The following XKR6 variants were observed in gnomAD, a reference collection of about 807,000 sequenced individuals.
XKR6 encodes the protein XK related 6.
In XKR6, 22 loss-of-function variants were observed where a neutral mutation model predicts 56.7. That is an observed-to-expected ratio of 0.39 (90% CI 0.28 to 0.55). The LOEUF is 0.55. Ranked by LOEUF, XKR6 falls within the 20% of genes least tolerant of loss-of-function variation. The pLI is 0.66. For synonymous variants in XKR6, 524 were observed against 387.8 expected, an observed-to-expected ratio of 1.35 and a Z score of -4.13; for missense variants, 852 against 889.0, an observed-to-expected ratio of 0.96 and a Z score of 0.53.
At chr8:10,988,337 A>G (rs540607055) in intron 1 of XKR6, among the ~76,000 whole-genome samples, 1 of 152,352 alleles carries the variant, frequency 6.6e-6, no homozygotes, top group Non-Finnish European at 1.5e-5. Flanking sequence ...ATGAATGAGT[A>G]GGTGAATTAA....
intron 1 of XKR6, among the ~76,000 whole-genome samples, chr8:11,045,366 G>A (rs976120041): frequency 2.6e-5 from 4 of 151,930 alleles, no homozygotes; most frequent in African/African-American, 7.3e-5. Context: ...GGGATTATAG[G>A]TGTGAGCCAC....
chr8:10,995,524 A>ACAT (rs1456839296), intron 1 of XKR6, among the ~76,000 whole-genome samples: 1 of 148,524 alleles, frequency 6.7e-6, no homozygotes, highest in East Asian at 1.9e-4. Flanking sequence ...ACACACACAC[A>ACAT]CATATATATA....
At chr8:11,055,003 C>CTG (rs1799645435) in intron 1 of XKR6, among the ~76,000 whole-genome samples, 1 of 152,110 alleles carries the variant, frequency 6.6e-6, no homozygotes, top group Admixed American at 6.5e-5. Context: ...CCAGAGGGGG[C>CTG]TGTAGACAAG....
intron 1 of XKR6, among the ~76,000 whole-genome samples, chr8:10,938,084 T>C (rs1801279543): frequency 1.3e-5 from 2 of 152,180 alleles, no homozygotes; most frequent in African/African-American, 2.4e-5. Context: ...CCGAGCCAAG[T>C]GTGGGATATA....
chr8:11,018,165 C>A (rs184409714), intron 1 of XKR6, among the ~76,000 whole-genome samples: 1 of 151,324 alleles, frequency 6.6e-6, no homozygotes, highest in Non-Finnish European at 1.5e-5. Context: ...GAATCCCCCC[C>A]ACCCACCCAG....
intron 1 of XKR6, among the ~76,000 whole-genome samples, chr8:11,096,098 A>G (rs115450396): frequency 0.012 from 1,804 of 152,356 alleles, 33 homozygotes; most frequent in African/African-American, 0.041. Flanking sequence ...TACCAGTGAC[A>G]AAAGTTAATA....
At chr8:11,118,644 C>G (rs1166324856) in intron 1 of XKR6, among the ~76,000 whole-genome samples, 2 of 152,102 alleles carry the variant, frequency 1.3e-5, no homozygotes, top group Non-Finnish European at 2.9e-5. Flanking sequence ...TCTGTGGGAT[C>G]GGTGGTGATA....
At chr8:11,108,480 C>T in intron 1 of XKR6, 1 of 398,944 alleles carries the variant, frequency 2.5e-6, no homozygotes, top group Non-Finnish European at 4.9e-6. Flanking sequence ...AAAAACAGGA[C>T]ATTAGTACTC....
chr8:10,915,983 C>A (rs962839997), intron 2 of XKR6, among the ~76,000 whole-genome samples: 1 of 152,238 alleles, frequency 6.6e-6, no homozygotes, highest in African/African-American at 2.4e-5. Context: ...ATGCCATGAG[C>A]GCCCGGAAGT....
At chr8:11,068,919 C>T (rs1193829743) in intron 1 of XKR6, among the ~76,000 whole-genome samples, 4 of 152,260 alleles carry the variant, frequency 2.6e-5, no homozygotes, top group African/African-American at 9.6e-5. Flanking sequence ...TCCACTCCTG[C>T]ACCTACATTC....
rs1343118842 is a variant in XKR6 at position 10,924,644 on chromosome 8, C to G, written c.951G>C (p.Glu317Asp). The stretch of plus-strand genomic sequence containing the variant: ...CCGGCGGGCACTCACAGGGCAGGGT[C>G]TCGGCGCTGTTCTTCTGGAGCATGA... ...LYIMLQKNSA[E>D]TLPCVSSVTS... The change falls in exon 2 of 3, where the codon GAG becomes GAC. Residue 317 changes from glutamate to aspartate, a missense_variant. Glu to Asp is a conservative substitution (Grantham distance 45). This residue lies in a region of XKR6 where 199 missense variants were observed against 280.4 expected (regional missense o/e 0.71). Coordinates refer to ENST00000416569, the MANE Select transcript of XKR6 (RefSeq NM_173683.4). 2 of 1,605,158 alleles carry G rather than the reference C, an allele frequency of 1.2e-6. No individual in the cohort carries two copies. Among genetic ancestry groups the G allele is most frequent in the South Asian group, 1.1e-5 (1 of 90,776 alleles).
chr8:11,171,342 C>A (rs1802358566), intron 1 of XKR6, among the ~76,000 whole-genome samples: 1 of 152,242 alleles, frequency 6.6e-6, no homozygotes, highest in Non-Finnish European at 1.5e-5. Context: ...GTCTACTTAA[C>A]CACTAATTAC....
At chr8:10,971,204 G>A (rs750868593) in intron 1 of XKR6, among the ~76,000 whole-genome samples, 3 of 151,812 alleles carry the variant, frequency 2.0e-5, no homozygotes, top group Admixed American at 6.6e-5. Context: ...GGCGGATCAC[G>A]AGGTCAGGAG....
intron 2 of XKR6, among the ~76,000 whole-genome samples, chr8:10,899,452 G>C (rs1194281107): frequency 6.6e-6 from 1 of 152,154 alleles, no homozygotes; most frequent in Non-Finnish European, 1.5e-5. Context: ...GTCCCAAAAG[G>C]CCCTTTCCTG....
intron 1 of XKR6, among the ~76,000 whole-genome samples, chr8:11,198,829 T>C (rs1440126934): frequency 6.6e-6 from 1 of 152,088 alleles, no homozygotes; most frequent in African/African-American, 2.4e-5. Context: ...TCTACTGGTA[T>C]GTTAAAATCT....
intron 1 of XKR6, among the ~76,000 whole-genome samples, chr8:10,926,656 C>A (rs1800894932): frequency 6.6e-6 from 1 of 152,234 alleles, no homozygotes; most frequent in Non-Finnish European, 1.5e-5. Context: ...GGTCCCTGGC[C>A]CACCTTGCGG....
chr8:11,175,277 A>C (rs1802595854), intron 1 of XKR6: 2 of 152,718 alleles, frequency 1.3e-5, no homozygotes, highest in Non-Finnish European at 2.9e-5. Context: ...GGGGCTGGAC[A>C]CAGGTGAACT....
intron 1 of XKR6, among the ~76,000 whole-genome samples, chr8:11,063,344 C>G (rs1799888637): frequency 6.7e-6 from 1 of 149,286 alleles, no homozygotes; most frequent in South Asian, 2.1e-4. Context: ...TCCCACAAAA[C>G]AAAATTAGCC....
intron 1 of XKR6, among the ~76,000 whole-genome samples, chr8:11,072,521 A>C (rs1800158739): frequency 6.6e-6 from 1 of 152,178 alleles, no homozygotes; most frequent in East Asian, 1.9e-4. Context: ...AAGTTATGAG[A>C]CTTGCCCAAG....
Sources: gnomAD v4.1 joint callset for allele counts (sites outside exome capture counted in the v4.1 genomes callset) on GRCh38, gnomAD v4.1.1 for gene constraint, gnomAD v4.1.1 regional missense constraint, MANE v1.5 for transcripts, NCBI Gene and HGNC (gene_info 2026-07-23, HGNC 2026-07-21) for gene names.